Variants in FRK observed in about 807,000 individuals in gnomAD.
The protein encoded by FRK is fyn related Src family tyrosine kinase.
In FRK, 51 loss-of-function variants were observed where a neutral mutation model predicts 56.4. That is an observed-to-expected ratio of 0.90 (90% confidence interval 0.72 to 1.14). FRK has a LOEUF of 1.14. Ranked by LOEUF, FRK falls within the 50% of genes most tolerant of loss-of-function variation. The pLI is 0.00. For missense variants in FRK, 570 were observed against 601.4 expected (o/e 0.95, Z 0.55); for synonymous variants, 245 against 217.9 (o/e 1.12, Z -1.10).
At chr6:115,968,955 A>C (rs1467545456) in intron 2 of FRK, among the ~76,000 whole-genome samples, 1 of 152,160 alleles carries the variant, frequency 6.6e-6, no homozygotes, top group Non-Finnish European at 1.5e-5. Flanking sequence ...GGAAATAGAA[A>C]AATAAAGGGG....
chr6:116,007,462 A>G (rs1775286066), intron 1 of FRK, among the ~76,000 whole-genome samples: 1 of 152,218 alleles, frequency 6.6e-6, no homozygotes, highest in South Asian at 2.1e-4. Context: ...CGCATGCCAC[A>G]GTACCTTGAA....
chr6:116,011,479 A>G (rs907893126), intron 1 of FRK, among the ~76,000 whole-genome samples: 37 of 152,132 alleles, frequency 2.4e-4, no homozygotes, highest in African/African-American at 8.7e-4. Context: ...CAGGAAAAAA[A>G]AAAAACATCC....
intron 2 of FRK, among the ~76,000 whole-genome samples, chr6:115,986,700 C>T (rs557769887): frequency 3.3e-5 from 5 of 152,162 alleles, no homozygotes; most frequent in Admixed American, 2.6e-4. Flanking sequence ...AACATTCAAA[C>T]GTGGTGGAGA....
At chr6:115,985,483 G>T (rs1774356007) in intron 2 of FRK, among the ~76,000 whole-genome samples, 1 of 152,146 alleles carries the variant, frequency 6.6e-6, no homozygotes, top group African/African-American at 2.4e-5. Flanking sequence ...AGTTTGCAAA[G>T]AATTTTCACA....
chr6:116,098,612 G>A, the FRK span, among the ~76,000 whole-genome samples: 52 of 152,298 alleles, frequency 3.4e-4, no homozygotes, highest in South Asian at 0.01. Flanking sequence ...ACATGAATGA[G>A]TGGGGGACAA....
chr6:116,060,578 G>T lies in FRK; in HGVS notation c.-267C>A, dbSNP rs1428041564. 1 of 399,498 alleles carries T rather than the reference G, an allele frequency of 2.5e-6. No homozygotes were observed. The highest frequency in any genetic ancestry group is 4.5e-6 in the Non-Finnish European group (1 of 222,958). 24.7% of individuals were successfully genotyped at this position (399,498 alleles called of 1,614,324 possible). On this transcript the variant is annotated 5_prime_UTR_variant, in exon 1 of 8. Transcript: ENST00000606080. ...AGCTGGGCAGCTGCTCACTAGGAAG[G>T]TGTCTTTTCTTCTTATCTGCTTAAG...
intron 1 of FRK, among the ~76,000 whole-genome samples, chr6:116,047,280 CA>C (rs1235223149): frequency 6.6e-6 from 1 of 151,964 alleles, no homozygotes; most frequent in African/African-American, 2.4e-5. Flanking sequence ...GAATACTTAC[CA>C]AATCTGATGC....
At chr6:116,099,799 T>C in the FRK span, among the ~76,000 whole-genome samples, 1 of 152,242 alleles carries the variant, frequency 6.6e-6, no homozygotes, top group Non-Finnish European at 1.5e-5. Flanking sequence ...ATTTTCATTA[T>C]GTCACGACTA....
Position 115,960,192 on chromosome 6 carries a change from C to A in FRK, c.800-3582G>T, listed in dbSNP as rs867261627. Reference sequence around the variant, plus strand: ...GGCGCAGGCCAGTGTGTGCGCGCACCGTGCGCGAGCCGAAGCAGGGCGAGG... The same window carrying A: ...GGCGCAGGCCAGTGTGTGCGCGCACAGTGCGCGAGCCGAAGCAGGGCGAGG... On this transcript the variant is annotated intron_variant, in intron 4 of 7. Transcript: ENST00000606080. Among the ~76,000 whole-genome samples the A allele has an allele frequency of 7.6e-3, 1,151 of 150,728 alleles. 14 individuals carry two copies. The highest frequency in any genetic ancestry group is 0.026 in the African/African-American group (1,065 of 41,082).
chr6:115,961,867 G>A (rs200851281), intron 4 of FRK, among the ~76,000 whole-genome samples: 772 of 15,954 alleles, frequency 0.048, 69 homozygotes, highest in Admixed American at 0.2. Context: ...TCACCACCAG[G>A]CCTGCCCTAA....
intron 2 of FRK, among the ~76,000 whole-genome samples, chr6:115,996,165 T>C (rs1289326490): frequency 1.3e-5 from 2 of 152,140 alleles, no homozygotes; most frequent in Non-Finnish European, 1.5e-5. Flanking sequence ...TTTCCAGTCA[T>C]TTAATATGTG....
chr6:116,002,902 C>T (rs966571797), intron 2 of FRK, among the ~76,000 whole-genome samples: 2 of 152,172 alleles, frequency 1.3e-5, no homozygotes, highest in African/African-American at 4.8e-5. Context: ...ATACAGACAG[C>T]CTGGCCAGAG....
At chr6:116,052,334 T>G (rs1385317679) in intron 1 of FRK, among the ~76,000 whole-genome samples, 1 of 152,132 alleles carries the variant, frequency 6.6e-6, no homozygotes, top group Non-Finnish European at 1.5e-5. Context: ...TGTAGAATTT[T>G]CTGGTAGGTA....
Position 115,949,799 on chromosome 6 carries a change from A to AAACAAAACAGCATGGTAGTGGT in FRK, c.959-5396_959-5375dup, listed in dbSNP as rs539862244. On this transcript the variant is annotated intron_variant, in intron 5 of 7. Transcript: ENST00000606080. ...TCAAACTATACTACAATGCTACAGTAAACAAAACAGCATGGTAGTGGTACC... is the reference window on the plus strand; with the variant it reads ...TCAAACTATACTACAATGCTACAGTAAACAAAACAGCATGGTAGTGGTAACAAAACAGCATGGTAGTGGTACC... Among the ~76,000 whole-genome samples, 592 of 152,326 alleles carry AAACAAAACAGCATGGTAGTGGT rather than the reference A, an allele frequency of 3.9e-3. 5 individuals carry two copies. Among genetic ancestry groups the AAACAAAACAGCATGGTAGTGGT allele is most frequent in the African/African-American group, 0.014 (565 of 41,568 alleles).
In FRK at chr6:115,943,189, T is replaced by C; in HGVS notation, c.1141-4A>G. 6.3e-7 allele frequency: 1 copy of C among 1,598,960 alleles called. No homozygotes were observed. Among genetic ancestry groups the C allele is most frequent in the Non-Finnish European group, 8.5e-7 (1 of 1,174,298 alleles). ...CATAGATGTCTTCATTATCTACCTG[T>C]TCATGTATTAAGGAATCAGGCCGAG... On this transcript the variant is annotated splice_polypyrimidine_tract_variant and splice_region_variant and intron_variant, in intron 6 of 7. Coordinates refer to ENST00000606080, the MANE Select transcript of FRK (RefSeq NM_002031.3).
chr6:115,981,898 T>C (rs1774212765), intron 2 of FRK, among the ~76,000 whole-genome samples: 1 of 152,140 alleles, frequency 6.6e-6, no homozygotes, highest in African/African-American at 2.4e-5. Flanking sequence ...GCTCTATTTC[T>C]TGGAAATTTC....
the FRK span, among the ~76,000 whole-genome samples, chr6:116,095,082 C>T: frequency 2.0e-5 from 3 of 152,214 alleles, no homozygotes; most frequent in African/African-American, 4.8e-5. Flanking sequence ...ACTGACAACC[C>T]GTAGCCTTTC....
rs146148022 is a variant in FRK at position 116,010,560 on chromosome 6, C to A, written c.345-6562G>T. Among the ~76,000 whole-genome samples the A allele has an allele frequency of 9.7e-4, 147 of 152,254 alleles. 2 individuals are homozygous for A. Among genetic ancestry groups the A allele is most frequent in the African/African-American group, 3.5e-3 (144 of 41,546 alleles). ...GAAACAGATGGAAGAGACGATGTGA[C>A]ACCAGGATTTCAAATCTGAATGACT... On this transcript the variant is annotated intron_variant, in intron 1 of 7. Transcript: ENST00000606080.
At position 116,049,800 on chromosome 6, in the gene FRK, G is replaced by C. The variant is rs537999103; in HGVS notation, c.344+10168C>G. Among the ~76,000 whole-genome samples the C allele has an allele frequency of 2.6e-5, 4 of 152,266 alleles. No homozygotes were observed. The Middle Eastern group carries it at 0.014, about 518-fold the overall frequency. On this transcript the variant is annotated intron_variant, in intron 1 of 7. Transcript: ENST00000606080. Reference sequence around the variant, plus strand: ...CTCTCAGTAAATGTCAGTTATCCCTGACCATTGCTCTACTAACAATAAATA... The same window carrying C: ...CTCTCAGTAAATGTCAGTTATCCCTCACCATTGCTCTACTAACAATAAATA...
Sources: gnomAD v4.1 joint callset for allele counts (sites outside exome capture counted in the v4.1 genomes callset) on GRCh38, gnomAD v4.1.1 for gene constraint, MANE v1.5 for transcripts, NCBI Gene and HGNC (gene_info 2026-07-23, HGNC 2026-07-21) for gene names.